The following NEGR1 variants were observed in gnomAD, a reference collection of about 807,000 sequenced individuals.
NEGR1 encodes IgLON family member 4.
A neutral mutation model predicts 40.9 loss-of-function variants in NEGR1; 10 were observed. The observed-to-expected ratio is 0.24, with a 90% CI of 0.15 to 0.42. The LOEUF (loss-of-function observed/expected upper bound fraction) is 0.42, where lower values mean the gene tolerates loss of function less well. Ranked by LOEUF, NEGR1 falls within the 10% of genes least tolerant of loss-of-function variation. The pLI is 1.00. For missense variants in NEGR1, 352 were observed against 438.9 expected, an observed-to-expected ratio of 0.80 and a Z score of 1.77; for synonymous variants, 185 against 166.8, an observed-to-expected ratio of 1.11 and a Z score of -0.84.
rs59160727 is a variant in NEGR1, at chr1:72,022,260, CATATATATATATATATATATATATATAT to C, written c.177-86977_177-86950del. On this transcript the variant is annotated intron_variant, in intron 1 of 6. Transcript: ENST00000357731. ...ACAATAGAAAATTATAAACAATTTT[CATATATATATATATATATATATATATAT>C]ATATATATATATACACGAATATCCT... Among the ~76,000 whole-genome samples, 6 of 111,664 alleles carry C rather than the reference CATATATATATATATATATATATATATAT, an allele frequency of 5.4e-5. 1 individual carries two copies. The South Asian group carries it at 1.5e-3, about 28-fold the overall frequency. 73.3% of individuals were successfully genotyped at this position (111,664 alleles called of 152,430 possible).
At chr1:71,914,010 C>T (rs932112692) in intron 2 of NEGR1, among the ~76,000 whole-genome samples, 3 of 152,094 alleles carry the variant, frequency 2.0e-5, no homozygotes, top group African/African-American at 4.8e-5. Context: ...ATAACAATTG[C>T]TAAATTTAAA....
chr1:72,061,622 T>C (rs1647174969), intron 1 of NEGR1, among the ~76,000 whole-genome samples: 1 of 151,822 alleles, frequency 6.6e-6, no homozygotes, highest in Non-Finnish European at 1.5e-5. Flanking sequence ...CAGACTTTTA[T>C]CCACCAAACA....
intron 1 of NEGR1, among the ~76,000 whole-genome samples, chr1:72,221,391 T>C (rs894293050): frequency 1.3e-5 from 2 of 152,156 alleles, no homozygotes; most frequent in African/African-American, 4.8e-5. Context: ...GAATAAATTA[T>C]TGTATTTATC....
At chr1:71,746,691 G>T (rs1655394252) in intron 3 of NEGR1, among the ~76,000 whole-genome samples, 1 of 149,718 alleles carries the variant, frequency 6.7e-6, no homozygotes, top group African/African-American at 2.5e-5. Flanking sequence ...CTCCTTACTT[G>T]AAAAGAATAT....
chr1:71,616,855 C>A (rs572180647), intron 4 of NEGR1, among the ~76,000 whole-genome samples: 2 of 152,228 alleles, frequency 1.3e-5, no homozygotes, highest in Non-Finnish European at 2.9e-5. Context: ...AGACTGCCAA[C>A]AAAAGAAAGC....
chr1:71,673,219 CA>C (rs144846104), intron 4 of NEGR1, among the ~76,000 whole-genome samples: 5,505 of 149,020 alleles, frequency 0.037, 132 homozygotes, highest in African/African-American at 0.072. Flanking sequence ...AGTGCATCTC[CA>C]AAAAAAAACA....
At chr1:71,858,717 T>C (rs1246728377) in intron 2 of NEGR1, among the ~76,000 whole-genome samples, 1 of 152,092 alleles carries the variant, frequency 6.6e-6, no homozygotes, top group Non-Finnish European at 1.5e-5. Flanking sequence ...CAGATGGTTA[T>C]TGGGGAAAAG....
intron 1 of NEGR1, among the ~76,000 whole-genome samples, chr1:72,184,602 T>TA (rs1050832150): frequency 6.6e-6 from 1 of 152,006 alleles, no homozygotes; most frequent in Admixed American, 6.6e-5. Flanking sequence ...GATGATTAGA[T>TA]AAAAAACATG....
intron 2 of NEGR1, among the ~76,000 whole-genome samples, chr1:71,895,854 G>A (rs1021330537): frequency 2.0e-5 from 3 of 152,018 alleles, no homozygotes; most frequent in African/African-American, 7.2e-5. Flanking sequence ...GTGTGTTTTT[G>A]AGAATTTGGC....
intron 3 of NEGR1, among the ~76,000 whole-genome samples, chr1:71,754,676 A>G (rs975409383): frequency 7.4e-6 from 1 of 135,844 alleles, no homozygotes; most frequent in African/African-American, 2.9e-5. Flanking sequence ...ATCTGGCTCC[A>G]GTTCCCAGAG....
rs375246536 is a variant in NEGR1 at position 71,810,191 on chromosome 1, C to A, written c.410-33894G>T. On this transcript the variant is annotated intron_variant, in intron 2 of 6. Transcript: ENST00000357731. Reference sequence around the variant, plus strand: ...AAGGCAGAGGTTAAGCTACCCTTAACCTATGCTTTGGTTAAGCTTTCCTTT... The same window carrying A: ...AAGGCAGAGGTTAAGCTACCCTTAAACTATGCTTTGGTTAAGCTTTCCTTT... Among the ~76,000 whole-genome samples, 67 of 152,214 alleles carry A rather than the reference C, an allele frequency of 4.4e-4. 1 individual carries two copies. In the South Asian group the frequency reaches 0.011, roughly 25 times the overall value.
intron 2 of NEGR1, among the ~76,000 whole-genome samples, chr1:71,822,475 G>A (rs1000270557): frequency 1.3e-5 from 2 of 151,934 alleles, no homozygotes; most frequent in African/African-American, 4.8e-5. Flanking sequence ...TGTCAAATAT[G>A]AATACTACAC....
chr1:71,571,942 C>T (rs1481999219), intron 6 of NEGR1, among the ~76,000 whole-genome samples: 5 of 152,180 alleles, frequency 3.3e-5, no homozygotes, highest in Admixed American at 6.5e-5. Flanking sequence ...AATTTTCACA[C>T]AATATCAAGT....
intron 1 of NEGR1, among the ~76,000 whole-genome samples, chr1:72,092,286 A>G (rs1648529559): frequency 6.6e-6 from 1 of 152,122 alleles, no homozygotes; most frequent in African/African-American, 2.4e-5. Context: ...AATCCTTGGC[A>G]AAGTTTAATA....
chr1:71,666,579 C>T (rs1652250480), intron 4 of NEGR1, among the ~76,000 whole-genome samples: 1 of 152,072 alleles, frequency 6.6e-6, no homozygotes, highest in Non-Finnish European at 1.5e-5. Context: ...TGTACCATGT[C>T]CATCGCTAAA....
chr1:71,925,138 C>G (rs1244440347), intron 2 of NEGR1, among the ~76,000 whole-genome samples: 3 of 152,140 alleles, frequency 2.0e-5, no homozygotes, highest in African/African-American at 7.2e-5. Context: ...GACTTGAGAT[C>G]TTTCTTGGAG....
chr1:72,193,926 TTAGAGATAAAATA>T (rs1652910871), intron 1 of NEGR1, among the ~76,000 whole-genome samples: 1 of 151,708 alleles, frequency 6.6e-6, no homozygotes, highest in South Asian at 2.1e-4. Flanking sequence ...ATACACACAG[TTAGAGATAAAATA>T]TAGGGATGAT....
intron 1 of NEGR1, among the ~76,000 whole-genome samples, chr1:72,168,005 A>ATTAT (rs1031328542): frequency 4.6e-4 from 64 of 139,684 alleles, no homozygotes; most frequent in African/African-American, 1.3e-3. Context: ...TATTATTATT[A>ATTAT]TTTTTTTTTT....
At chr1:72,090,780 T>C (rs995104162) in intron 1 of NEGR1, among the ~76,000 whole-genome samples, 1 of 152,168 alleles carries the variant, frequency 6.6e-6, no homozygotes, top group Non-Finnish European at 1.5e-5. Context: ...GTTTTCTCCC[T>C]GGGTAAACTA....
Sources: gnomAD v4.1 joint callset for allele counts (sites outside exome capture counted in the v4.1 genomes callset) on GRCh38, gnomAD v4.1.1 for gene constraint, MANE v1.5 for transcripts, NCBI Gene and HGNC (gene_info 2026-07-23, HGNC 2026-07-21) for gene names.